DPP6: variants seen among roughly 807,000 people sequenced by gnomAD.
DPP6 encodes dipeptidyl peptidase like 6.
In DPP6, 69 loss-of-function variants were observed where a neutral mutation model predicts 122.6. That is an observed-to-expected ratio of 0.56 (90% confidence interval 0.46 to 0.69). The LOEUF (loss-of-function observed/expected upper bound fraction) is 0.69. Among genes scored for constraint, DPP6 ranks in the 30% least tolerant of loss-of-function variants. DPP6 has a pLI of 0.00. For missense variants in DPP6, 928 were observed against 1,116.9 expected, an observed-to-expected ratio of 0.83 and a Z score of 2.41; for synonymous variants, 418 against 433.1, an observed-to-expected ratio of 0.97 and a Z score of 0.43.
Position 154,410,223 on chromosome 7 carries a change from G to A in DPP6, c.244-35991G>A, listed in dbSNP as rs1816483816. ...AGATTTTCCTAACATCGTGTCTTAG[G>A]GATGACAGTTCAAGAGAAAATGTGC... On this transcript the variant is annotated intron_variant, in intron 1 of 25. Transcript: ENST00000377770. Among the ~76,000 whole-genome samples the A allele has an allele frequency of 1.3e-5, 2 of 152,150 alleles. 1 individual carries two copies. The highest frequency in any genetic ancestry group is 1.3e-4 in the Admixed American group (2 of 15,276).
intron 1 of DPP6, among the ~76,000 whole-genome samples, chr7:154,107,660 A>G (rs544457469): frequency 5.9e-5 from 9 of 152,380 alleles, no homozygotes; most frequent in South Asian, 2.1e-4. Flanking sequence ...ATGTATATCA[A>G]AACATCATAA....
intron 1 of DPP6, among the ~76,000 whole-genome samples, chr7:154,029,387 G>A (rs1316110138): frequency 6.6e-6 from 1 of 151,766 alleles, no homozygotes; most frequent in East Asian, 1.9e-4. Flanking sequence ...CGCGGTGGCG[G>A]GCGCCTGTAG....
chr7:154,850,058 A>G (rs1802251751), intron 16 of DPP6, among the ~76,000 whole-genome samples: 1 of 152,158 alleles, frequency 6.6e-6, no homozygotes, highest in Admixed American at 6.5e-5. Context: ...TTATTTCCAT[A>G]GGTTTTGGAG....
chr7:154,795,374 T>C (rs138955732), intron 11 of DPP6, among the ~76,000 whole-genome samples: 1 of 152,326 alleles, frequency 6.6e-6, no homozygotes, highest in Non-Finnish European at 1.5e-5. Flanking sequence ...TGAGACCCAC[T>C]TTTCCTCTAT....
intron 7 of DPP6, among the ~76,000 whole-genome samples, chr7:154,677,193 G>A (rs1411946097): frequency 1.3e-5 from 2 of 152,094 alleles, no homozygotes; most frequent in Admixed American, 6.6e-5. Context: ...TCAAGTGGAC[G>A]GAGCCCATTC....
chr7:154,693,452 A>G (rs1840043379), intron 7 of DPP6, among the ~76,000 whole-genome samples: 1 of 152,298 alleles, frequency 6.6e-6, no homozygotes, highest in African/African-American at 2.4e-5. Flanking sequence ...CTGATTTTCC[A>G]GAAGTGCTAA....
At position 154,678,075 on chromosome 7, in the gene DPP6, T is replaced by C. The variant is rs562401271; in HGVS notation, c.762+8634T>C. ...TTTGTAAACGCACTGATCAGCACTCTGTAAATACGCACCAATCAGTGCTCT... is the reference window on the plus strand; with the variant it reads ...TTTGTAAACGCACTGATCAGCACTCCGTAAATACGCACCAATCAGTGCTCT... On this transcript the variant is annotated intron_variant, in intron 7 of 25. Coordinates refer to ENST00000377770, the MANE Select transcript of DPP6 (RefSeq NM_130797.4). Among the ~76,000 whole-genome samples the C allele has an allele frequency of 7.2e-5, 11 of 152,286 alleles. No homozygotes were observed. The East Asian group carries it at 2.1e-3, about 29-fold the overall frequency.
chr7:153,921,131 GTC>G (rs1158389010), intron 1 of DPP6, among the ~76,000 whole-genome samples: 1 of 152,242 alleles, frequency 6.6e-6, no homozygotes, highest in African/African-American at 2.4e-5. Context: ...TTGTGGCTGT[GTC>G]TCTCTTTTTC....
At chr7:154,288,175 C>T (rs1172115184) in intron 1 of DPP6, among the ~76,000 whole-genome samples, 3 of 152,196 alleles carry the variant, frequency 2.0e-5, no homozygotes, top group Non-Finnish European at 4.4e-5. Context: ...GAGGGTCATT[C>T]CTGATTCCTC....
intron 1 of DPP6, among the ~76,000 whole-genome samples, chr7:154,085,038 A>C (rs1362037139): frequency 1.3e-5 from 2 of 149,268 alleles, no homozygotes; most frequent in Non-Finnish European, 3.0e-5. Context: ...ACCTTGTTGT[A>C]TCTCTTTTTC....
intron 1 of DPP6, among the ~76,000 whole-genome samples, chr7:154,428,228 AACC>A (rs1818069845): frequency 1.3e-5 from 2 of 152,180 alleles, no homozygotes; most frequent in Non-Finnish European, 2.9e-5. Context: ...ATTTTTAAAA[AACC>A]TTGAAAAGTC....
rs145075070 is a variant in DPP6 at position 154,286,285 on chromosome 7, A to G, written c.244-159929A>G. 7.4e-3 allele frequency among the ~76,000 whole-genome samples: 1,125 copies of G among 152,232 alleles called. 12 individuals carry two copies. The highest frequency in any genetic ancestry group is 0.032 in the East Asian group (164 of 5,172). On this transcript the variant is annotated intron_variant, in intron 1 of 25. Transcript: ENST00000377770. ...CCCTGGGCAATTTCATCAGCTTCCTATATCTCGGTGTAGCCACGAGCAAGA... is the reference window on the plus strand; with the variant it reads ...CCCTGGGCAATTTCATCAGCTTCCTGTATCTCGGTGTAGCCACGAGCAAGA...
intron 1 of DPP6, among the ~76,000 whole-genome samples, chr7:154,417,017 A>G (rs549313976): frequency 7.9e-5 from 12 of 152,316 alleles, no homozygotes; most frequent in African/African-American, 2.9e-4. Flanking sequence ...CAAAAAGTCT[A>G]TTACAACCCA....
At chr7:153,859,291 G>T in the DPP6 span, among the ~76,000 whole-genome samples, 1 of 152,132 alleles carries the variant, frequency 6.6e-6, no homozygotes, top group African/African-American at 2.4e-5. Flanking sequence ...TACGGGCTTG[G>T]CTGAGCGACA....
chr7:154,642,623 A>C (rs1199010328), intron 6 of DPP6, among the ~76,000 whole-genome samples: 2 of 149,998 alleles, frequency 1.3e-5, no homozygotes, highest in Non-Finnish European at 3.0e-5. Context: ...ATTAGTGCCC[A>C]CCTCATAGGC....
chr7:154,747,472 T>C (rs1215210777), intron 8 of DPP6, among the ~76,000 whole-genome samples: 1 of 152,176 alleles, frequency 6.6e-6, no homozygotes, highest in African/African-American at 2.4e-5. Flanking sequence ...CTCAAGCAAA[T>C]TGATTCACCT....
At chr7:154,669,222 C>A in intron 6 of DPP6, 138 bp from the exon 7 acceptor site, 2 of 1,303,344 alleles carry the variant, frequency 1.5e-6, no homozygotes, top group South Asian at 1.4e-5. Context: ...TACTTAGTAA[C>A]ACAAGAGACA....
chr7:154,413,520 A>G (rs535584203), intron 1 of DPP6, among the ~76,000 whole-genome samples: 2 of 152,338 alleles, frequency 1.3e-5, no homozygotes, highest in Admixed American at 1.3e-4. Flanking sequence ...GAGCGAATAT[A>G]TAGGATATTA....
At chr7:154,062,676 G>A (rs1465171737) in intron 1 of DPP6, among the ~76,000 whole-genome samples, 1 of 62,816 alleles carries the variant, frequency 1.6e-5, no homozygotes, top group Non-Finnish European at 2.8e-5. Flanking sequence ...CGAGGGTGGG[G>A]ACTGAGAGCT....
Sources: allele counts gnomAD v4.1 joint callset (sites outside exome capture counted in the v4.1 genomes callset), GRCh38; gene constraint gnomAD v4.1.1; transcripts MANE v1.5; gene names NCBI Gene and HGNC (gene_info 2026-07-23, HGNC 2026-07-21).